The following FHAD1 variants were observed in gnomAD, a reference collection of about 807,000 sequenced individuals.
FHAD1 encodes the protein forkhead-associated domain-containing protein 1.
A neutral mutation model predicts 191.3 loss-of-function variants in FHAD1; 146 were observed. That is an observed-to-expected ratio of 0.76 (90% CI 0.67 to 0.88). The LOEUF (loss-of-function observed/expected upper bound fraction) is 0.88. Among genes scored for constraint, FHAD1 ranks in the 40% least tolerant of loss-of-function variants. The pLI is 0.00. For missense variants in FHAD1, 1,635 were observed against 1,785.8 expected (o/e 0.92, Z 1.52); for synonymous variants, 616 against 672.3 (o/e 0.92, Z 1.29).
At chr1:15,273,981 G>A (rs751556597) in intron 3 of FHAD1, among the ~76,000 whole-genome samples, 1 of 152,112 alleles carries the variant, frequency 6.6e-6, no homozygotes, top group Non-Finnish European at 1.5e-5. Flanking sequence ...TTGTATAAGC[G>A]AAATCATACG....
rs183722126 is a variant in FHAD1, at chr1:15,275,227, G to A, written c.300+2698G>A. ...TCCGCCCGTCTCAGCCTCCCAAAGTGCTGGGATTACAGGCGTGAGCCACCG... is the reference window on the plus strand; with the variant it reads ...TCCGCCCGTCTCAGCCTCCCAAAGTACTGGGATTACAGGCGTGAGCCACCG... On this transcript the variant is annotated intron_variant, in intron 3 of 33. Coordinates refer to ENST00000688493, the MANE Select transcript of FHAD1 (RefSeq NM_001391957.1). 1.0e-3 allele frequency among the ~76,000 whole-genome samples: 156 copies of A among 152,256 alleles called. 1 individual carries two copies. The highest frequency in any genetic ancestry group is 1.0e-3 in the Admixed American group (16 of 15,302).
chr1:15,274,043 G>T (rs1657262858), intron 3 of FHAD1, among the ~76,000 whole-genome samples: 2 of 152,122 alleles, frequency 1.3e-5, no homozygotes, highest in Admixed American at 1.3e-4. Context: ...AGTCCTCAAG[G>T]TTCATCCATG....
chr1:15,374,696 C>G, intron 27 of FHAD1, 65 bp downstream of exon 27: 1 of 1,532,748 alleles, frequency 6.5e-7, no homozygotes, highest in South Asian at 1.2e-5. Flanking sequence ...GGGGACTGAC[C>G]AGTTTGCCAG....
upstream of FHAD1, among the ~76,000 whole-genome samples, chr1:15,245,623 T>C (rs533701230): frequency 6.6e-6 from 1 of 152,298 alleles, no homozygotes; most frequent in African/African-American, 2.4e-5. Flanking sequence ...TCCCAGCCCT[T>C]GTGGTCCCTC....
At chr1:15,342,037 T>C (rs1360563726) in intron 16 of FHAD1, 149 bp downstream of exon 16, 9 of 629,782 alleles carry the variant, frequency 1.4e-5, no homozygotes, top group Non-Finnish European at 2.0e-5. Flanking sequence ...GGTGAATAAT[T>C]GGGGAGGATT....
intron 13 of FHAD1, 172 bp downstream of exon 13, chr1:15,328,601 A>T (rs1313888759): frequency 1.2e-5 from 6 of 520,614 alleles, no homozygotes; most frequent in South Asian, 5.1e-5. Flanking sequence ...CAAAGGGCCT[A>T]AAAAAATGCC....
intron 32 of FHAD1, among the ~76,000 whole-genome samples, chr1:15,389,385 G>A (rs925747669): frequency 6.9e-6 from 1 of 143,966 alleles, no homozygotes; most frequent in Non-Finnish European, 1.5e-5. Flanking sequence ...CTTCAAGGTT[G>A]CGATGAGCCA....
chr1:15,253,180 G>GTGTA (rs1647001499), intron 2 of FHAD1, among the ~76,000 whole-genome samples: 2 of 137,856 alleles, frequency 1.5e-5, no homozygotes, highest in Admixed American at 7.1e-5. Context: ...GTGTGTGTGT[G>GTGTA]TGTGTCAGAG....
intron 4 of FHAD1, among the ~76,000 whole-genome samples, chr1:15,293,563 C>T (rs950412511): frequency 1.3e-5 from 2 of 152,090 alleles, no homozygotes; most frequent in Non-Finnish European, 2.9e-5. Context: ...ACTAAAAATA[C>T]AAAAATTAGC....
At chr1:15,365,468 C>G (rs1431608357) in intron 23 of FHAD1, among the ~76,000 whole-genome samples, 3 of 138,948 alleles carry the variant, frequency 2.2e-5, no homozygotes, top group Non-Finnish European at 4.5e-5. Context: ...CCACACACCA[C>G]TATGCCTGGC....
At chr1:15,383,416 C>G in intron 31 of FHAD1, 1 of 377,020 alleles carries the variant, frequency 2.7e-6, no homozygotes, top group Non-Finnish European at 5.3e-6. Context: ...AGTCCTGCCT[C>G]AGACCCGGTA....
chr1:15,274,545 G>T (rs1439449253), intron 3 of FHAD1, among the ~76,000 whole-genome samples: 1 of 152,138 alleles, frequency 6.6e-6, no homozygotes, highest in Non-Finnish European at 1.5e-5. Flanking sequence ...CCAGGAGGTG[G>T]AGGTTGCCGT....
intron 4 of FHAD1, among the ~76,000 whole-genome samples, chr1:15,291,685 T>G (rs1249650398): frequency 1.3e-5 from 2 of 152,188 alleles, no homozygotes; most frequent in Non-Finnish European, 2.9e-5. Context: ...GGGAGTAGCT[T>G]AGCAGGATGG....
At chr1:15,262,246 CCTT>C (rs1462932183) in intron 2 of FHAD1, among the ~76,000 whole-genome samples, 1 of 152,206 alleles carries the variant, frequency 6.6e-6, no homozygotes, top group African/African-American at 2.4e-5. Context: ...CAGAGCCCAT[CCTT>C]CTGCGCATAA....
chr1:15,331,486 T>G (rs375678518), intron 14 of FHAD1, among the ~76,000 whole-genome samples: 13 of 83,080 alleles, frequency 1.6e-4, no homozygotes, highest in African/African-American at 5.5e-4. Flanking sequence ...GTGGGTGGAT[T>G]GATGGATGGA....
chr1:15,267,950 AAT>A (rs1163972674), intron 2 of FHAD1, among the ~76,000 whole-genome samples: 1 of 148,096 alleles, frequency 6.8e-6, no homozygotes, highest in Non-Finnish European at 1.5e-5. Context: ...GAATATAAAA[AAT>A]ATATATATAT....
chr1:15,348,954 CTAT>C (rs549997171), intron 18 of FHAD1, 85 bp from the exon 19 acceptor site: 1,769 of 852,068 alleles, frequency 2.1e-3, no homozygotes, highest in Non-Finnish European at 2.4e-3. Flanking sequence ...GTTATTGTTA[CTAT>C]TATTATTATT....
At chr1:15,283,791 C>T (rs764165397) in intron 3 of FHAD1, among the ~76,000 whole-genome samples, 2 of 152,218 alleles carry the variant, frequency 1.3e-5, no homozygotes, top group Non-Finnish European at 2.9e-5. Context: ...AAATCCTGTC[C>T]ACACATCAAT....
chr1:15,346,333 G>C (rs1349941434), intron 18 of FHAD1, among the ~76,000 whole-genome samples: 2 of 152,150 alleles, frequency 1.3e-5, no homozygotes, highest in East Asian at 3.8e-4. Context: ...CAGATTTCCA[G>C]CCTCTCCCGA....
Sources: gnomAD v4.1 joint callset for allele counts (sites outside exome capture counted in the v4.1 genomes callset) on GRCh38, gnomAD v4.1.1 for gene constraint, MANE v1.5 for transcripts, NCBI Gene and HGNC (gene_info 2026-07-23, HGNC 2026-07-21) for gene names.